The following NELL2 variants were observed in gnomAD, a reference collection of about 807,000 sequenced individuals.
The protein encoded by NELL2 is neural EGFL like 2.
A neutral mutation model predicts 109.6 loss-of-function variants in NELL2; 41 were observed. That is an observed-to-expected ratio of 0.37 (90% CI 0.29 to 0.49). NELL2 has a LOEUF of 0.49. Ranked by LOEUF, NELL2 falls within the 20% of genes least tolerant of loss-of-function variation. The probability of loss-of-function intolerance (pLI) is 0.98; values close to 1 mark genes in which losing one functional copy is unlikely to be tolerated. For synonymous variants in NELL2, 355 were observed against 344.7 expected (o/e 1.03, Z -0.33); for missense variants, 900 against 1,008.3 (o/e 0.89, Z 1.45).
intron 10 of NELL2, 87 bp from the exon 11 acceptor site, chr12:44,711,481 T>C (rs1247028129): frequency 8.6e-7 from 1 of 1,162,870 alleles, no homozygotes; most frequent in African/African-American, 1.6e-5. Flanking sequence ...AGAAGACTCT[T>C]TTAAGATCAA....
chr12:44,520,966 G>A (rs1362812700), intron 18 of NELL2, among the ~76,000 whole-genome samples: 1 of 152,114 alleles, frequency 6.6e-6, no homozygotes, highest in Non-Finnish European at 1.5e-5. Context: ...GAACAAAAAA[G>A]CTTTGCCTTA....
intron 12 of NELL2, among the ~76,000 whole-genome samples, chr12:44,674,581 A>G (rs1365532817): frequency 2.6e-5 from 4 of 152,222 alleles, no homozygotes; most frequent in Non-Finnish European, 5.9e-5. Flanking sequence ...ATTATGGGAA[A>G]GGGGACATAA....
chr12:44,801,381 T>A (rs1048780851), intron 3 of NELL2, among the ~76,000 whole-genome samples: 12 of 151,988 alleles, frequency 7.9e-5, no homozygotes, highest in Non-Finnish European at 1.8e-4. Flanking sequence ...AATACATGAT[T>A]ATTATTATTA....
In NELL2 at chr12:44,876,283, G is replaced by A. The variant is rs1038782516; in HGVS notation, c.-414C>T. The A allele has an allele frequency of 5.2e-6, 6 of 1,144,544 alleles. No individual in the cohort carries two copies. In the African/African-American group the frequency reaches 8.0e-5, roughly 15 times the overall value. 70.9% of individuals were successfully genotyped at this position (1,144,544 alleles called of 1,614,324 possible). On this transcript the variant is annotated 5_prime_UTR_variant, in exon 1 of 20. Coordinates refer to ENST00000429094, the MANE Select transcript of NELL2 (RefSeq NM_001145108.2). Reference sequence around the variant, plus strand: ...GGCCCCGCACCCCCCCGTCTTCCCCGCCGCCCGAACCTGTTGTAAAGGCAG... The same window carrying A: ...GGCCCCGCACCCCCCCGTCTTCCCCACCGCCCGAACCTGTTGTAAAGGCAG...
intron 9 of NELL2, among the ~76,000 whole-genome samples, chr12:44,732,483 T>C (rs1266678757): frequency 1.3e-5 from 2 of 151,908 alleles, no homozygotes; most frequent in South Asian, 4.1e-4. Flanking sequence ...ACAAGCTGTG[T>C]TGGGAAAACA....
At chr12:44,785,562 A>AT (rs1942132529) in intron 3 of NELL2, among the ~76,000 whole-genome samples, 1 of 152,158 alleles carries the variant, frequency 6.6e-6, no homozygotes, top group Non-Finnish European at 1.5e-5. Context: ...AAAAGAGCCC[A>AT]TATGGACAAG....
chr12:44,877,431 AG>A (rs1425477666), upstream of NELL2, among the ~76,000 whole-genome samples: 2 of 152,226 alleles, frequency 1.3e-5, no homozygotes, highest in Non-Finnish European at 2.9e-5. Context: ...ATTTTGGAAA[AG>A]TTAAGAGTTT....
intron 15 of NELL2, among the ~76,000 whole-genome samples, chr12:44,604,357 C>T (rs1242150702): frequency 2.0e-5 from 3 of 152,042 alleles, no homozygotes; most frequent in Non-Finnish European, 4.4e-5. Flanking sequence ...TCTGGATCAA[C>T]AATGAAACAC....
chr12:44,681,141 A>G (rs838975), intron 12 of NELL2, among the ~76,000 whole-genome samples: 76,664 of 150,696 alleles, frequency 0.51, 22,905 homozygotes, highest in African/African-American at 0.84. Context: ...TTGGATAGTC[A>G]TACATATCCA....
At chr12:44,649,336 C>A (rs781294099) in intron 13 of NELL2, among the ~76,000 whole-genome samples, 3 of 152,078 alleles carry the variant, frequency 2.0e-5, no homozygotes, top group Admixed American at 6.5e-5. Flanking sequence ...AGGCAGGGTG[C>A]CCCTACCACT....
At chr12:44,521,740 C>T (rs1941551433) in intron 18 of NELL2, among the ~76,000 whole-genome samples, 1 of 151,840 alleles carries the variant, frequency 6.6e-6, no homozygotes, top group African/African-American at 2.4e-5. Flanking sequence ...TTCTTTTGAG[C>T]TATGGAGATA....
chr12:44,673,883 C>A (rs551636369), intron 12 of NELL2, among the ~76,000 whole-genome samples: 2 of 152,120 alleles, frequency 1.3e-5, no homozygotes, highest in East Asian at 3.9e-4. Context: ...TTCCTAGTTG[C>A]CTTCTAAACA....
At chr12:44,570,197 C>T (rs1943810590) in intron 15 of NELL2, among the ~76,000 whole-genome samples, 2 of 152,142 alleles carry the variant, frequency 1.3e-5, no homozygotes, top group Admixed American at 6.6e-5. Flanking sequence ...TCCTGATCCC[C>T]CATTGATTTC....
intron 9 of NELL2, among the ~76,000 whole-genome samples, chr12:44,717,655 G>A (rs537193164): frequency 1.2e-4 from 18 of 152,130 alleles, no homozygotes; most frequent in Non-Finnish European, 2.4e-4. Flanking sequence ...AAGGAACAAG[G>A]GAAGAAAATG....
At chr12:44,598,340 T>C (rs2136234551) in intron 15 of NELL2, among the ~76,000 whole-genome samples, 1 of 152,040 alleles carries the variant, frequency 6.6e-6, no homozygotes, top group South Asian at 2.1e-4. Flanking sequence ...TGGGAAGAAG[T>C]ACAGACTCTG....
At chr12:44,849,957 CAG>C (rs1330971156) in intron 2 of NELL2, among the ~76,000 whole-genome samples, 1 of 152,054 alleles carries the variant, frequency 6.6e-6, no homozygotes, top group Admixed American at 6.6e-5. Flanking sequence ...TGTGAAAAAA[CAG>C]AGAGTAATTG....
At chr12:44,617,102 CCCTTT>C (rs1444893184) in intron 13 of NELL2, among the ~76,000 whole-genome samples, 6 of 152,122 alleles carry the variant, frequency 3.9e-5, no homozygotes, top group South Asian at 2.1e-4. Context: ...TTCCTTCCTT[CCCTTT>C]CAAGTCTGGT....
chr12:44,558,746 GTTGT>G (rs1476583354), intron 15 of NELL2, among the ~76,000 whole-genome samples: 1 of 152,138 alleles, frequency 6.6e-6, no homozygotes, highest in African/African-American at 2.4e-5. Context: ...AAACCGAGCG[GTTGT>G]TTGGGCAGAC....
intron 1 of NELL2, among the ~76,000 whole-genome samples, chr12:44,920,260 G>A (rs1945859245): frequency 1.3e-5 from 2 of 152,134 alleles, no homozygotes; most frequent in South Asian, 4.1e-4. Context: ...AGATAAAGAA[G>A]ATAATGAGAT....
Sources: allele counts gnomAD v4.1 joint callset (sites outside exome capture counted in the v4.1 genomes callset), GRCh38; gene constraint gnomAD v4.1.1; transcripts MANE v1.5; gene names NCBI Gene and HGNC (gene_info 2026-07-23, HGNC 2026-07-21).